The following NDE1 variants were observed in gnomAD, a reference collection of about 807,000 sequenced individuals.
NDE1 encodes the protein nudE neurodevelopment protein 1.
NDE1 carries 28 observed loss-of-function variants against 43.4 expected under a neutral mutation model. That is an observed-to-expected ratio of 0.65 (90% CI 0.48 to 0.89). NDE1 has a LOEUF of 0.89. Ranked by LOEUF, NDE1 falls within the 40% of genes least tolerant of loss-of-function variation. The pLI is 0.00. For synonymous variants in NDE1, 184 were observed against 172.0 expected (o/e 1.07, Z -0.55); for missense variants, 441 against 434.1 (o/e 1.02, Z -0.14).
intron 5 of NDE1, 106 bp from the exon 6 acceptor site, chr16:15,691,038 C>G: frequency 7.3e-7 from 1 of 1,375,222 alleles, no homozygotes; most frequent in South Asian, 1.2e-5. Context: ...GAACTCCTGA[C>G]CTCAGGCGAT....
intron 8 of NDE1, chr16:15,704,178 A>G (rs2039328855): frequency 6.2e-7 from 1 of 1,605,490 alleles, no homozygotes; most frequent in African/African-American, 1.3e-5. Flanking sequence ...TGGTTGGGAT[A>G]GATTTTTTAT....
intron 3 of NDE1, among the ~76,000 whole-genome samples, chr16:15,677,479 G>A (rs1156493239): frequency 6.6e-6 from 1 of 152,000 alleles, no homozygotes; most frequent in Non-Finnish European, 1.5e-5. Flanking sequence ...CCAGCCACTT[G>A]GGAGGCTGAG....
chr16:15,697,683 A>G lies in NDE1; in HGVS notation c.947+823A>G, dbSNP rs977064616. On this transcript the variant is annotated intron_variant, in intron 8 of 8. Transcript: ENST00000396354. ...AGCCAAAATTGTGCCTCTGCACAGCAGCCTGGGTGACAGAGCAAGACTCCA... is the reference window on the plus strand; with the variant it reads ...AGCCAAAATTGTGCCTCTGCACAGCGGCCTGGGTGACAGAGCAAGACTCCA... Among the ~76,000 whole-genome samples, 3 of 152,190 alleles carry G rather than the reference A, an allele frequency of 2.0e-5. No homozygotes were observed. In the East Asian group the frequency reaches 5.8e-4, roughly 29 times the overall value.
chr16:15,681,978 T>G (rs1304586384), intron 4 of NDE1, among the ~76,000 whole-genome samples: 1 of 152,216 alleles, frequency 6.6e-6, no homozygotes, highest in African/African-American at 2.4e-5. Context: ...TAGAAGGGCC[T>G]TGTGCACTCC....
In NDE1 at chr16:15,691,179, G is replaced by A. The variant is rs1460247484; in HGVS notation, c.559G>A (p.Glu187Lys). ...RQELAVQQKQ[E>K]KPRTPMPSSV... Reference sequence around the variant, plus strand: ...GGAACTGGCCGTGCAGCAGAAGCAGGAGAAACCCAGGACCCCCATGCCCAG... The same window carrying A: ...GGAACTGGCCGTGCAGCAGAAGCAGAAGAAACCCAGGACCCCCATGCCCAG... The change falls in exon 6 of 9, where the codon GAG becomes AAG. Residue 187 changes from glutamate to lysine, a missense_variant. Coordinates refer to ENST00000396354, the MANE Select transcript of NDE1 (RefSeq NM_017668.3). 1 of 1,614,012 alleles carries A rather than the reference G, an allele frequency of 6.2e-7. No individual in the cohort carries two copies. Among genetic ancestry groups the A allele is most frequent in the Non-Finnish European group, 8.5e-7 (1 of 1,180,038 alleles).
chr16:15,652,972 TA>T (rs1365818800), intron 1 of NDE1, among the ~76,000 whole-genome samples: 1 of 152,164 alleles, frequency 6.6e-6, no homozygotes, highest in African/African-American at 2.4e-5. Context: ...CTAAGCTTTT[TA>T]AAATCTCTAA....
chr16:15,689,019 G>T (rs959494065), intron 5 of NDE1, among the ~76,000 whole-genome samples: 1 of 152,014 alleles, frequency 6.6e-6, no homozygotes, highest in African/African-American at 2.4e-5. Flanking sequence ...TTATAACGTC[G>T]ATTTGCTTTC....
rs1023978842 is a variant in NDE1, at chr16:15,667,551, A to T, written c.237+112A>T. 4.5e-5 allele frequency: 60 copies of T among 1,327,746 alleles called. No individual in the cohort carries two copies. The African/African-American group carries it at 7.9e-4, about 17-fold the overall frequency. The allele number at this position is 1,327,746 out of a possible 1,614,324, so 82.2% of individuals were successfully genotyped here. A position where few individuals can be genotyped will look rare whatever the true frequency, so the allele number is the denominator to read the frequency against. ...ATGAGGGACTCCAGACCCCAGGCCC[A>T]TGCTCATCTCTGGAAGGGCCTGTGC... On this transcript the variant is annotated intron_variant, in intron 3 of 8. Transcript: ENST00000396354.
intron 7 of NDE1, 89 bp from the exon 8 acceptor site, chr16:15,696,620 T>C (rs926168638): frequency 2.7e-5 from 44 of 1,607,032 alleles, no homozygotes; most frequent in Admixed American, 5.0e-5. Flanking sequence ...TGAGAACCAC[T>C]GTCTGGGGTT....
intron 8 of NDE1, chr16:15,715,280 C>T: frequency 6.2e-7 from 1 of 1,613,866 alleles, no homozygotes; most frequent in East Asian, 2.2e-5. Flanking sequence ...TCTCTGCAAA[C>T]AGCAAGGAAA....
intron 8 of NDE1, among the ~76,000 whole-genome samples, chr16:15,706,046 G>A (rs56403331): frequency 2.0e-5 from 3 of 148,026 alleles, no homozygotes; most frequent in Non-Finnish European, 4.4e-5. Flanking sequence ...AGAGGAATTC[G>A]CAAATGACCC....
chr16:15,717,628 C>T, intron 8 of NDE1: 1 of 546,692 alleles, frequency 1.8e-6, no homozygotes, highest in Non-Finnish European at 3.3e-6. Flanking sequence ...AACCCCGTCT[C>T]TATTAAAAAT....
At chr16:15,645,034 C>G (rs915971197) in intron 1 of NDE1, among the ~76,000 whole-genome samples, 1 of 151,682 alleles carries the variant, frequency 6.6e-6, no homozygotes, top group African/African-American at 2.4e-5. Context: ...ATTCTCATGC[C>G]TCAGCCTCCT....
At chr16:15,695,644 G>C (rs143180593) in intron 7 of NDE1, 1 of 985,156 alleles carries the variant, frequency 1.0e-6, no homozygotes, top group African/African-American at 1.7e-5. Flanking sequence ...TGCCTAGAAG[G>C]CCACATAATT....
Position 15,717,315 on chromosome 16 carries a change from G to A in NDE1, c.948-6876G>A, listed in dbSNP as rs1441546016. On this transcript the variant is annotated intron_variant, in intron 8 of 8. Coordinates refer to ENST00000396354, the MANE Select transcript of NDE1 (RefSeq NM_017668.3). Reference sequence around the variant, plus strand: ...CTCTCATTCTTCTGGGCCGTGCTGCGCTCTGTGGCCAGCTCGTTGCTGAGC... The same window carrying A: ...CTCTCATTCTTCTGGGCCGTGCTGCACTCTGTGGCCAGCTCGTTGCTGAGC... The A allele has an allele frequency of 2.5e-6, 4 of 1,611,232 alleles. No individual in the cohort carries two copies. Among genetic ancestry groups the A allele is most frequent in the African/African-American group, 1.3e-5 (1 of 75,066 alleles).
At chr16:15,677,999 T>C (rs1291377584) in intron 4 of NDE1, 50 bp downstream of exon 4, 1 of 1,609,888 alleles carries the variant, frequency 6.2e-7, no homozygotes, top group South Asian at 1.1e-5. Flanking sequence ...TCTCTGCTTT[T>C]TGTCCCCAGC....
Position 15,685,127 on chromosome 16 carries a change from C to T in NDE1, c.387-2248C>T, listed in dbSNP as rs570901042. ...CTCAGTATGTCTGCATTTCTGCAAG[C>T]ATTCTGTACTACTCTACATATTATT... On this transcript the variant is annotated intron_variant, in intron 4 of 8. Coordinates refer to ENST00000396354, the MANE Select transcript of NDE1 (RefSeq NM_017668.3). Among the ~76,000 whole-genome samples the T allele has an allele frequency of 2.6e-5, 4 of 152,328 alleles. No individual in the cohort carries two copies. In the East Asian group the frequency reaches 7.7e-4, roughly 29 times the overall value.
chr16:15,694,331 TC>T, intron 7 of NDE1, 75 bp downstream of exon 7: 2 of 1,572,768 alleles, frequency 1.3e-6, no homozygotes, highest in Non-Finnish European at 1.7e-6. Flanking sequence ...TTGATCTAGT[TC>T]CTTCCCTCTC....
chr16:15,692,673 G>T (rs1436384481), intron 6 of NDE1, among the ~76,000 whole-genome samples: 2 of 152,114 alleles, frequency 1.3e-5, no homozygotes, highest in East Asian at 3.9e-4. Flanking sequence ...GCCCCTGAAA[G>T]TGGTGGTATT....
Sources: allele counts gnomAD v4.1 joint callset (sites outside exome capture counted in the v4.1 genomes callset), GRCh38; gene constraint gnomAD v4.1.1; transcripts MANE v1.5; gene names NCBI Gene and HGNC (gene_info 2026-07-23, HGNC 2026-07-21).